Variants in ADAMTSL1 observed in about 807,000 individuals in gnomAD.
ADAMTSL1 encodes the protein ADAMTS-like protein 1.
Under a neutral mutation model 201.8 loss-of-function variants are expected in ADAMTSL1, and 126 were observed. The observed-to-expected ratio is 0.62, with a 90% CI of 0.54 to 0.72. The LOEUF is 0.72. ADAMTSL1 is among the 30% of genes least tolerant of loss of function. The pLI is 0.00. For missense variants in ADAMTSL1, 2,679 were observed against 2,277.8 expected (o/e 1.18, Z -3.59); for synonymous variants, 1,121 against 903.4 (o/e 1.24, Z -4.32).
At chr9:18,462,894 G>A (rs573835455) in intron 2 of ADAMTSL1, among the ~76,000 whole-genome samples, 2 of 151,836 alleles carry the variant, frequency 1.3e-5, no homozygotes, top group South Asian at 4.2e-4. Context: ...AGCCGAGGGA[G>A]CACCACTGCA....
chr9:18,129,387 T>C (rs1825859020), intron 1 of ADAMTSL1, among the ~76,000 whole-genome samples: 5 of 152,190 alleles, frequency 3.3e-5, no homozygotes, highest in African/African-American at 7.2e-5. Context: ...AGGGGAGTAA[T>C]GGTTCTTTCA....
chr9:18,262,966 G>A (rs1587421951), intron 2 of ADAMTSL1, among the ~76,000 whole-genome samples: 1 of 152,204 alleles, frequency 6.6e-6, no homozygotes. Context: ...GAGTTAGTCT[G>A]TGCCAAGATA....
At chr9:18,100,983 C>T (rs1030666452) in intron 1 of ADAMTSL1, among the ~76,000 whole-genome samples, 3 of 152,112 alleles carry the variant, frequency 2.0e-5, no homozygotes, top group Admixed American at 2.0e-4. Flanking sequence ...ATGGCTTGTC[C>T]TCGCCTGCAT....
intron 15 of ADAMTSL1, 55 bp downstream of exon 15, chr9:18,721,720 A>G (rs918912341): frequency 1.5e-5 from 24 of 1,577,892 alleles, no homozygotes; most frequent in Non-Finnish European, 2.0e-5. Flanking sequence ...AACTGGGCGC[A>G]TCTTTCAGTG....
intron 2 of ADAMTSL1, among the ~76,000 whole-genome samples, chr9:18,302,400 CA>C (rs1010273617): frequency 6.6e-5 from 10 of 151,486 alleles, no homozygotes; most frequent in African/African-American, 2.4e-4. Context: ...TATGCTGGGG[CA>C]AAAAAAAGTT....
rs184354498 is a variant in ADAMTSL1, at chr9:18,547,392, C to A, written c.237+14100C>A. Among the ~76,000 whole-genome samples, 47 of 151,776 alleles carry A rather than the reference C, an allele frequency of 3.1e-4. No homozygotes were observed. The East Asian group carries it at 5.4e-3, about 17-fold the overall frequency. ...CCAGTGGCATAGCCAGGTTCAAAAGCAAGAGAAAAAGTCCATGGACCAAAA... is the reference window on the plus strand; with the variant it reads ...CCAGTGGCATAGCCAGGTTCAAAAGAAAGAGAAAAAGTCCATGGACCAAAA... On this transcript the variant is annotated intron_variant, in intron 3 of 28. Transcript: ENST00000380548.
At chr9:18,238,328 T>C (rs1587374031) in intron 2 of ADAMTSL1, among the ~76,000 whole-genome samples, 1 of 152,164 alleles carries the variant, frequency 6.6e-6, no homozygotes, top group Admixed American at 6.5e-5. Context: ...TTGTTTGCAG[T>C]GAGTAAGTGA....
At chr9:18,167,892 G>A (rs1261385274) in intron 2 of ADAMTSL1, among the ~76,000 whole-genome samples, 2 of 151,950 alleles carry the variant, frequency 1.3e-5, no homozygotes, top group Non-Finnish European at 2.9e-5. Flanking sequence ...TTGAGTTACT[G>A]AAGAATGACT....
At chr9:18,345,037 C>T (rs536195127) in intron 2 of ADAMTSL1, among the ~76,000 whole-genome samples, 14 of 152,234 alleles carry the variant, frequency 9.2e-5, no homozygotes, top group Admixed American at 5.2e-4. Flanking sequence ...GTGACTCTGA[C>T]CTCCTTCTCC....
At chr9:18,198,011 G>T (rs972591753) in intron 2 of ADAMTSL1, among the ~76,000 whole-genome samples, 1 of 152,132 alleles carries the variant, frequency 6.6e-6, no homozygotes, top group African/African-American at 2.4e-5. Context: ...ATGGGGAAAG[G>T]ATTCCCTATT....
chr9:18,617,504 G>A (rs1050920905), intron 4 of ADAMTSL1, among the ~76,000 whole-genome samples: 1 of 151,510 alleles, frequency 6.6e-6, no homozygotes, highest in African/African-American at 2.4e-5. Flanking sequence ...TTTTGGCAGG[G>A]GGGAGGGGGC....
At chr9:18,426,533 A>G (rs1246412519) in intron 2 of ADAMTSL1, among the ~76,000 whole-genome samples, 1 of 152,152 alleles carries the variant, frequency 6.6e-6, no homozygotes, top group Admixed American at 6.5e-5. Flanking sequence ...AAGAGCTACT[A>G]TTGGTTGATT....
At chr9:17,983,709 G>A (rs113035203) in intron 1 of ADAMTSL1, among the ~76,000 whole-genome samples, 3,472 of 152,132 alleles carry the variant, frequency 0.023, 128 homozygotes, top group African/African-American at 0.079. Flanking sequence ...GAATTGGACT[G>A]TTAAAATAAC....
upstream of ADAMTSL1, chr9:18,474,092 C>T (rs971464127): frequency 5.9e-5 from 37 of 622,556 alleles, no homozygotes; most frequent in African/African-American, 5.9e-4. Context: ...ACCCACCCCT[C>T]GGTCAGGAAA....
intron 10 of ADAMTSL1, among the ~76,000 whole-genome samples, chr9:18,676,344 T>A (rs1235731433): frequency 6.6e-6 from 1 of 152,128 alleles, no homozygotes; most frequent in South Asian, 2.1e-4. Context: ...TTATTCTGCA[T>A]AGGGGCTTTA....
At chr9:18,859,879 T>C (rs1018230333) in intron 23 of ADAMTSL1, among the ~76,000 whole-genome samples, 1 of 152,228 alleles carries the variant, frequency 6.6e-6, no homozygotes, top group Admixed American at 6.5e-5. Flanking sequence ...GTGGTTTTTT[T>C]GTTACATGGA....
chr9:18,808,828 G>A (rs1452526076), intron 20 of ADAMTSL1, among the ~76,000 whole-genome samples: 2 of 152,240 alleles, frequency 1.3e-5, no homozygotes, highest in African/African-American at 4.8e-5. Context: ...CTGGGCTCCA[G>A]TTCAGCCCTA....
intron 23 of ADAMTSL1, among the ~76,000 whole-genome samples, chr9:18,876,725 G>A (rs952401172): frequency 3.9e-5 from 6 of 152,136 alleles, no homozygotes; most frequent in African/African-American, 1.4e-4. Context: ...AGATGACTAT[G>A]TGCCTAGATG....
chr9:17,965,030 G>A (rs1039709461), intron 1 of ADAMTSL1, among the ~76,000 whole-genome samples: 3 of 152,010 alleles, frequency 2.0e-5, no homozygotes, highest in African/African-American at 7.3e-5. Flanking sequence ...TGGGATTACA[G>A]GTGTGAGCCA....
Sources: allele counts gnomAD v4.1 joint callset (sites outside exome capture counted in the v4.1 genomes callset), GRCh38; gene constraint gnomAD v4.1.1; transcripts MANE v1.5; gene names NCBI Gene and HGNC (gene_info 2026-07-23, HGNC 2026-07-21).